Variants in ERBB4 observed in about 807,000 individuals in gnomAD.
The protein encoded by ERBB4 is erb-b2 receptor tyrosine kinase 4.
Under a neutral mutation model 158.0 loss-of-function variants are expected in ERBB4, and 42 were observed. That is an observed-to-expected ratio of 0.27 (90% CI 0.21 to 0.34). The LOEUF (loss-of-function observed/expected upper bound fraction) is 0.34, where lower values mean the gene tolerates loss of function less well. ERBB4 is among the 10% of genes least tolerant of loss of function. ERBB4 has a pLI of 1.00. For synonymous variants in ERBB4, 583 were observed against 558.7 expected (o/e 1.04, Z -0.61); for missense variants, 1,333 against 1,624.1 (o/e 0.82, Z 3.08).
intron 1 of ERBB4, among the ~76,000 whole-genome samples, chr2:212,213,304 A>G (rs1020081047): frequency 1.3e-5 from 2 of 152,108 alleles, no homozygotes; most frequent in Non-Finnish European, 2.9e-5. Context: ...CAACAAACGT[A>G]TGAAAGAAAG....
In ERBB4 at chr2:212,538,790, T is replaced by C. The variant is rs1254699192; in HGVS notation, c.-260A>G. On this transcript the variant is annotated 5_prime_UTR_variant, in exon 1 of 28. Coordinates refer to ENST00000342788, the MANE Select transcript of ERBB4 (RefSeq NM_005235.3). Reference sequence around the variant, plus strand: ...TGCTCGGTGTGTGCGCTTGGCGCTCTGGGCCGGACTGTGCAGCTATTTCCC... The same window carrying C: ...TGCTCGGTGTGTGCGCTTGGCGCTCCGGGCCGGACTGTGCAGCTATTTCCC... The C allele has an allele frequency of 2.8e-6, 1 of 358,960 alleles. No homozygotes were observed. Among genetic ancestry groups the C allele is most frequent in the Non-Finnish European group, 4.9e-6 (1 of 204,638 alleles). 22.2% of individuals were successfully genotyped at this position (358,960 alleles called of 1,614,324 possible). A position where few individuals can be genotyped will look rare whatever the true frequency, so the allele number is the denominator to read the frequency against.
chr2:212,356,857 G>T (rs1300794243), intron 1 of ERBB4, among the ~76,000 whole-genome samples: 1 of 151,648 alleles, frequency 6.6e-6, no homozygotes, highest in African/African-American at 2.4e-5. Context: ...TAAATTTCTT[G>T]GTTTTGCTAC....
intron 3 of ERBB4, among the ~76,000 whole-genome samples, chr2:211,805,470 T>C (rs2076593059): frequency 6.6e-6 from 1 of 152,184 alleles, no homozygotes; most frequent in Non-Finnish European, 1.5e-5. Flanking sequence ...AAAATCTAAA[T>C]AGAACAAGGA....
At chr2:211,809,886 T>A (rs2105912414) in intron 3 of ERBB4, among the ~76,000 whole-genome samples, 1 of 152,308 alleles carries the variant, frequency 6.6e-6, no homozygotes, top group Non-Finnish European at 1.5e-5. Flanking sequence ...TCTGGTACAT[T>A]TTGTCTTTGT....
chr2:212,352,439 C>A (rs1239551423), intron 1 of ERBB4, among the ~76,000 whole-genome samples: 3 of 151,536 alleles, frequency 2.0e-5, no homozygotes, highest in Non-Finnish European at 4.4e-5. Flanking sequence ...GGAAATAAAA[C>A]TAATAATTTA....
Position 211,592,643 on chromosome 2 carries a change from A to C in ERBB4, c.2301+26534T>G, listed in dbSNP as rs188054535. On this transcript the variant is annotated intron_variant, in intron 19 of 27. Transcript: ENST00000342788. ...GTTAAACTAGATGAAAGAAAGGGGA[A>C]TCTCCCTGGATGAAGCATAAAAAGA... Among the ~76,000 whole-genome samples the C allele has an allele frequency of 1.3e-3, 195 of 152,232 alleles. 1 individual carries two copies. Among genetic ancestry groups the C allele is most frequent in the African/African-American group, 4.2e-3 (175 of 41,558 alleles).
intron 19 of ERBB4, among the ~76,000 whole-genome samples, chr2:211,599,310 AT>A (rs2068728427): frequency 6.6e-6 from 1 of 152,176 alleles, no homozygotes. Context: ...TGAACAAAGG[AT>A]CCATAGCTTT....
intron 19 of ERBB4, among the ~76,000 whole-genome samples, chr2:211,580,866 CATATAT>C (rs56892079): frequency 9.4e-4 from 60 of 64,126 alleles, no homozygotes; most frequent in East Asian, 2.9e-3. Flanking sequence ...TATGCATATA[CATATAT>C]ATATATATAT....
intron 20 of ERBB4, among the ~76,000 whole-genome samples, chr2:211,527,019 T>C (rs1209017688): frequency 1.3e-5 from 2 of 151,774 alleles, no homozygotes; most frequent in Non-Finnish European, 1.5e-5. Context: ...AAATTATGGG[T>C]AGAAAGTTTA....
Position 211,415,107 on chromosome 2 carries a change from C to CTTTTTTTTTT in ERBB4, c.3135+5324_3135+5333dup, listed in dbSNP as rs71047175. On this transcript the variant is annotated intron_variant, in intron 25 of 27. Transcript: ENST00000342788. ...CAAATCCCATTGAAACTTACATTTT[C>CTTTTTTTTTT]TTTTTTTTTTTTTTTTTTTTTTTTT... is the stretch of plus-strand genomic sequence containing the variant. Among the ~76,000 whole-genome samples, 62 of 72,538 alleles carry CTTTTTTTTTT rather than the reference C, an allele frequency of 8.5e-4. 11 individuals are homozygous for CTTTTTTTTTT. The highest frequency in any genetic ancestry group is 1.2e-3 in the South Asian group (2 of 1,610). The allele number at this position is 72,538 out of a possible 152,430, so 47.6% of individuals were successfully genotyped here.
intron 4 of ERBB4, among the ~76,000 whole-genome samples, chr2:211,775,207 T>C (rs576757492): frequency 6.6e-6 from 1 of 152,186 alleles, no homozygotes; most frequent in Admixed American, 6.5e-5. Flanking sequence ...TCACTGCTAG[T>C]CATGAATCTT....
At chr2:212,423,733 C>G in intron 1 of ERBB4, among the ~76,000 whole-genome samples, 1 of 152,162 alleles carries the variant, frequency 6.6e-6, no homozygotes, top group East Asian at 1.9e-4. Context: ...GATGCTGTCT[C>G]TTGATAGCTT....
chr2:211,678,782 C>G (rs1321140128), intron 13 of ERBB4, among the ~76,000 whole-genome samples: 1 of 151,504 alleles, frequency 6.6e-6, no homozygotes, highest in African/African-American at 2.4e-5. Flanking sequence ...CTGGCTAACA[C>G]GGTGAAACCC....
At chr2:211,483,174 CT>C (rs1046811112) in intron 20 of ERBB4, among the ~76,000 whole-genome samples, 5 of 151,576 alleles carry the variant, frequency 3.3e-5, no homozygotes, top group African/African-American at 1.2e-4. Flanking sequence ...AAAATAAAGA[CT>C]GAAAAAATAA....
At position 211,705,292 on chromosome 2, in the gene ERBB4, G is replaced by A. The variant is rs377242355; in HGVS notation, c.1198+26C>T. On this transcript the variant is annotated intron_variant, in intron 10 of 27. Coordinates refer to ENST00000342788, the MANE Select transcript of ERBB4 (RefSeq NM_005235.3). Reference sequence around the variant, plus strand: ...TTAAAAAAATTATATTGTTCATAGCGCAACAGTTGCAGTTTAAAAAATTAC... The same window carrying A: ...TTAAAAAAATTATATTGTTCATAGCACAACAGTTGCAGTTTAAAAAATTAC... 3.0e-5 allele frequency: 44 copies of A among 1,473,130 alleles called. No individual in the cohort carries two copies. In the African/African-American group the frequency reaches 3.7e-4, roughly 12 times the overall value. 91.3% of individuals were successfully genotyped at this position (1,473,130 alleles called of 1,614,324 possible).
chr2:212,188,557 A>T (rs1243019878), intron 1 of ERBB4, among the ~76,000 whole-genome samples: 1 of 151,944 alleles, frequency 6.6e-6, no homozygotes, highest in Non-Finnish European at 1.5e-5. Flanking sequence ...CCGTGGTTTT[A>T]GTAAACTTGG....
chr2:212,000,419 G>A (rs1215932916), intron 2 of ERBB4, among the ~76,000 whole-genome samples: 1 of 151,828 alleles, frequency 6.6e-6, no homozygotes, highest in Non-Finnish European at 1.5e-5. Context: ...TTCTTATACT[G>A]ATAGTTAAGA....
At chr2:212,191,896 AT>A (rs2082252083) in intron 1 of ERBB4, among the ~76,000 whole-genome samples, 1 of 137,968 alleles carries the variant, frequency 7.2e-6, no homozygotes, top group Admixed American at 7.6e-5. Flanking sequence ...CATGTTATAT[AT>A]TATATATGAT....
intron 7 of ERBB4, among the ~76,000 whole-genome samples, chr2:211,721,148 T>A (rs772290584): frequency 2.0e-5 from 3 of 152,156 alleles, no homozygotes; most frequent in Admixed American, 6.6e-5. Context: ...CTAAACAAAC[T>A]GTGTTGTGTG....
Sources: allele counts gnomAD v4.1 joint callset (sites outside exome capture counted in the v4.1 genomes callset), GRCh38; gene constraint gnomAD v4.1.1; transcripts MANE v1.5; gene names NCBI Gene and HGNC (gene_info 2026-07-23, HGNC 2026-07-21).